The following AAR2 variants were observed in gnomAD, a reference collection of about 807,000 sequenced individuals.
The protein encoded by AAR2 is AAR2 splicing factor, also known as protein AAR2 homolog.
A neutral mutation model predicts 26.9 loss-of-function variants in AAR2; 31 were observed. The observed-to-expected ratio is 1.15, with a 90% CI of 0.86 to 1.55. The LOEUF (loss-of-function observed/expected upper bound fraction) is 1.55. Among genes scored for constraint, AAR2 ranks in the 40% most tolerant of loss-of-function variants. The pLI, the probability that AAR2 is intolerant of heterozygous loss-of-function variation, is 0.00. For missense variants in AAR2, 430 were observed against 491.3 expected, an observed-to-expected ratio of 0.88 and a Z score of 1.18; for synonymous variants, 188 against 196.1, an observed-to-expected ratio of 0.96 and a Z score of 0.34.
intron 3 of AAR2, among the ~76,000 whole-genome samples, chr20:36,245,334 T>G (rs1298061543): frequency 6.6e-6 from 1 of 152,204 alleles, no homozygotes; most frequent in Non-Finnish European, 1.5e-5. Flanking sequence ...TAAAATAACT[T>G]TGATTTCCTG....
intron 3 of AAR2, among the ~76,000 whole-genome samples, chr20:36,253,809 T>C (rs1332066994): frequency 6.6e-6 from 1 of 152,162 alleles, no homozygotes; most frequent in Admixed American, 6.5e-5. Flanking sequence ...CCAAAGAAGA[T>C]ATACAAATGG....
chr20:36,241,272 A>G (rs1293738992), intron 2 of AAR2, among the ~76,000 whole-genome samples: 1 of 152,026 alleles, frequency 6.6e-6, no homozygotes, highest in South Asian at 2.1e-4. Flanking sequence ...GTTTATTTCT[A>G]TGTACTTCCT....
chr20:36,247,773 G>A (rs2064748273), intron 3 of AAR2, among the ~76,000 whole-genome samples: 1 of 152,092 alleles, frequency 6.6e-6, no homozygotes, highest in Non-Finnish European at 1.5e-5. Flanking sequence ...GGAGGCTGAG[G>A]CAGGAGAATC....
At chr20:36,249,712 T>TC (rs2064766602) in intron 3 of AAR2, among the ~76,000 whole-genome samples, 2 of 152,228 alleles carry the variant, frequency 1.3e-5, no homozygotes, top group South Asian at 4.1e-4. Context: ...AGGTCTCTAA[T>TC]CCCATTATAT....
chr20:36,249,391 A>C (rs1468013747), intron 3 of AAR2, among the ~76,000 whole-genome samples: 12 of 152,256 alleles, frequency 7.9e-5, no homozygotes, highest in Non-Finnish European at 1.6e-4. Context: ...AAAGTGAGTT[A>C]TGTACAAAAT....
intron 2 of AAR2, 57 bp downstream of exon 2, chr20:36,240,682 G>A: frequency 6.4e-7 from 1 of 1,558,138 alleles, no homozygotes; most frequent in Non-Finnish European, 8.7e-7. Flanking sequence ...TAGCAGAGGT[G>A]TTTTGGAATA....
At position 36,240,520 on chromosome 20, in the gene AAR2, G is replaced by A; in HGVS notation, c.652G>A (p.Glu218Lys). The A allele has an allele frequency of 6.2e-7, 1 of 1,614,064 alleles. No homozygotes were observed. The highest frequency in any genetic ancestry group is 8.5e-7 in the Non-Finnish European group (1 of 1,180,040). Residue 218 changes from glutamate to lysine, a missense_variant, in exon 2 of 4, where the codon GAG becomes AAG. By Grantham distance (56) the Glu-to-Lys change is moderately conservative (BLOSUM62 1). Coordinates refer to ENST00000320849, the MANE Select transcript of AAR2 (RefSeq NM_001271874.2). ...AGAGCTGCCCACGCAGATGTTCCCA[G>A]AGGGTGCCACGCCAGCTGAGATAAC... ...FSELPTQMFP[E>K]GATPAEITKH...
chr20:36,245,488 TC>T (rs2064725641), intron 3 of AAR2, among the ~76,000 whole-genome samples: 2 of 152,228 alleles, frequency 1.3e-5, no homozygotes, highest in Non-Finnish European at 2.9e-5. Context: ...CTATGCTATT[TC>T]CTCCCTTTGC....
chr20:36,247,944 C>T (rs2064750231), intron 3 of AAR2, among the ~76,000 whole-genome samples: 1 of 152,180 alleles, frequency 6.6e-6, no homozygotes, highest in Non-Finnish European at 1.5e-5. Context: ...AACAGATTTT[C>T]AGTGTTCAGT....
Position 36,247,779 on chromosome 20 carries a change from G to A in AAR2, c.987+2853G>A, listed in dbSNP as rs531871568. Among the ~76,000 whole-genome samples the A allele has an allele frequency of 7.0e-4, 106 of 152,166 alleles. 1 individual carries two copies. Among genetic ancestry groups the A allele is most frequent in the Non-Finnish European group, 1.1e-3 (73 of 68,022 alleles). On this transcript the variant is annotated intron_variant, in intron 3 of 3. Transcript: ENST00000320849. ...AGCTACTCAGGAGGCTGAGGCAGGA[G>A]AATCTCTTGAACTGGGGAAGCAGAG...
At position 36,255,502 on chromosome 20, in the gene AAR2, A is replaced by G. The variant is rs1457740472; in HGVS notation, c.988-76A>G. 1.2e-5 allele frequency: 18 copies of G among 1,548,774 alleles called. No homozygotes were observed. The Admixed American group carries it at 2.7e-4, about 23-fold the overall frequency. ...ACCCGCCCCAGAAGAGCCGAACACC[A>G]TGAGGAAATTTCCACAGCTTTCTCG... On this transcript the variant is annotated intron_variant, in intron 3 of 3. Transcript: ENST00000320849.
Position 36,240,023 on chromosome 20 carries a change from CT to C in AAR2, c.156del (p.Pro53GlnfsTer19), listed in dbSNP as rs1177656989. On this transcript the variant is annotated frameshift_variant, in exon 2 of 4. Transcript: ENST00000320849. LOFTEE classifies it high-confidence loss of function. Reference sequence around the variant, plus strand: ...AAGTTCCGGGGCGTGAAGATGATCCCTCCAGGCATCCACTTCCTCCACTACA... The same window carrying C: ...AAGTTCCGGGGCGTGAAGATGATCCCCCAGGCATCCACTTCCTCCACTACA... ...GPKFRGVKMI[P>X]PGIHFLHYSS... 6.2e-7 allele frequency: 1 copy of C among 1,614,102 alleles called. No homozygotes were observed. The highest frequency in any genetic ancestry group is 8.5e-7 in the Non-Finnish European group (1 of 1,180,050).
At chr20:36,238,527 C>T (rs760556207) in intron 1 of AAR2, among the ~76,000 whole-genome samples, 2 of 151,982 alleles carry the variant, frequency 1.3e-5, no homozygotes, top group Non-Finnish European at 2.9e-5. Flanking sequence ...GAGGCCGAGG[C>T]GGGCAGATCA....
chr20:36,250,570 A>T (rs2064772362), intron 3 of AAR2, among the ~76,000 whole-genome samples: 1 of 152,236 alleles, frequency 6.6e-6, no homozygotes, highest in Non-Finnish European at 1.5e-5. Flanking sequence ...TTTTACAAAT[A>T]CCAAGTTTGT....
chr20:36,237,750 GTATTATTATTATTATTAT>G (rs71184090), intron 1 of AAR2, among the ~76,000 whole-genome samples: 1,762 of 139,042 alleles, frequency 0.013, 50 homozygotes, highest in African/African-American at 0.042. Flanking sequence ...AAGATGATAC[GTATTATTATTATTATTAT>G]TATTATTATT....
intron 3 of AAR2, among the ~76,000 whole-genome samples, chr20:36,245,278 T>G (rs968655428): frequency 1.3e-5 from 2 of 152,226 alleles, no homozygotes; most frequent in African/African-American, 4.8e-5. Flanking sequence ...TGAAGTTTGT[T>G]ATTCCCAGTG....
intron 2 of AAR2, 55 bp from the exon 3 acceptor site, chr20:36,244,642 G>A: frequency 6.5e-7 from 1 of 1,532,278 alleles, no homozygotes; most frequent in South Asian, 1.1e-5. Flanking sequence ...GTGATGGAGA[G>A]TGTCAGCTGG....
intron 3 of AAR2, among the ~76,000 whole-genome samples, chr20:36,249,376 G>T (rs1003722363): frequency 2.0e-5 from 3 of 152,194 alleles, no homozygotes; most frequent in Non-Finnish European, 2.9e-5. Context: ...TTAATGATAT[G>T]TTAGAAAGTG....
In AAR2 at chr20:36,255,870, G is replaced by T; in HGVS notation, c.*125G>T. On this transcript the variant is annotated 3_prime_UTR_variant, in exon 4 of 4. Coordinates refer to ENST00000320849, the MANE Select transcript of AAR2 (RefSeq NM_001271874.2). ...AATCTCTCCAGGTCCTGCAAAGATGGAGCCAGAATTCCCTTTTTCACTGAT... is the reference window on the plus strand; with the variant it reads ...AATCTCTCCAGGTCCTGCAAAGATGTAGCCAGAATTCCCTTTTTCACTGAT... 1 of 1,210,548 alleles carries T rather than the reference G, an allele frequency of 8.3e-7. No individual in the cohort carries two copies. The highest frequency in any genetic ancestry group is 1.5e-5 in the African/African-American group (1 of 65,124). The allele number at this position is 1,210,548 out of a possible 1,614,324, so 75.0% of individuals were successfully genotyped here. A position where few individuals can be genotyped will look rare whatever the true frequency, so the allele number is the denominator to read the frequency against.
Sources: allele counts gnomAD v4.1 joint callset (sites outside exome capture counted in the v4.1 genomes callset), GRCh38; gene constraint gnomAD v4.1.1; transcripts MANE v1.5; gene names NCBI Gene and HGNC (gene_info 2026-07-23, HGNC 2026-07-21).